The following CHST11 variants were observed in gnomAD, a reference collection of about 807,000 sequenced individuals.
CHST11 encodes C4S-1.
A neutral mutation model predicts 30.4 loss-of-function variants in CHST11; 9 were observed. The observed-to-expected ratio is 0.30, with a 90% confidence interval of 0.18 to 0.52. The LOEUF is 0.52. Ranked by LOEUF, CHST11 falls within the 20% of genes least tolerant of loss-of-function variation. The probability of loss-of-function intolerance (pLI) is 0.97; values close to 1 mark genes in which losing one functional copy is unlikely to be tolerated. For synonymous variants in CHST11, 152 were observed against 187.8 expected, an observed-to-expected ratio of 0.81 and a Z score of 1.56; for missense variants, 348 against 460.6, an observed-to-expected ratio of 0.76 and a Z score of 2.24.
At chr12:104,599,388 G>C (rs1249362866) in intron 1 of CHST11, among the ~76,000 whole-genome samples, 1 of 152,216 alleles carries the variant, frequency 6.6e-6, no homozygotes, top group Non-Finnish European at 1.5e-5. Flanking sequence ...GGGCCTCGAT[G>C]AGCCCGTCTG....
rs115354679 is a variant in CHST11, at chr12:104,735,080, C to T, written c.205-21869C>T. 4.3e-3 allele frequency among the ~76,000 whole-genome samples: 656 copies of T among 152,274 alleles called. 8 individuals are homozygous for T. The highest frequency in any genetic ancestry group is 0.015 in the African/African-American group (608 of 41,530). Reference sequence around the variant, plus strand: ...ATTCCAGGATGAGCAAGGCAACAGTCCTGAACTTCAGGGAGCAGAGGTAGG... The same window carrying T: ...ATTCCAGGATGAGCAAGGCAACAGTTCTGAACTTCAGGGAGCAGAGGTAGG... On this transcript the variant is annotated intron_variant, in intron 2 of 2. Coordinates refer to ENST00000303694, the MANE Select transcript of CHST11 (RefSeq NM_018413.6).
chr12:104,733,656 C>A (rs559478941), intron 2 of CHST11, among the ~76,000 whole-genome samples: 1 of 152,280 alleles, frequency 6.6e-6, no homozygotes, highest in East Asian at 1.9e-4. Flanking sequence ...TACTTTTGCG[C>A]CAACCTAATA....
chr12:104,522,058 C>T (rs901125866), intron 1 of CHST11, among the ~76,000 whole-genome samples: 1 of 152,162 alleles, frequency 6.6e-6, no homozygotes, highest in African/African-American at 2.4e-5. Flanking sequence ...GCATTTCTTT[C>T]CCAGTTATAT....
intron 1 of CHST11, among the ~76,000 whole-genome samples, chr12:104,555,480 C>G (rs2038446391): frequency 6.6e-6 from 1 of 152,204 alleles, no homozygotes; most frequent in Non-Finnish European, 1.5e-5. Flanking sequence ...TGCCTCTTTC[C>G]CCATCATTTC....
intron 2 of CHST11, among the ~76,000 whole-genome samples, chr12:104,745,084 G>T (rs1311089558): frequency 3.3e-5 from 5 of 152,106 alleles, no homozygotes; most frequent in Non-Finnish European, 7.3e-5. Context: ...GTGTTGGCCA[G>T]GCTGTTCTCG....
intron 2 of CHST11, among the ~76,000 whole-genome samples, chr12:104,722,180 G>A (rs932306425): frequency 6.6e-6 from 1 of 151,230 alleles, no homozygotes; most frequent in Admixed American, 6.6e-5. Flanking sequence ...GTGTGTGTGT[G>A]TGTGTGTGTA....
chr12:104,685,266 A>C (rs994207502), intron 2 of CHST11, among the ~76,000 whole-genome samples: 17 of 152,314 alleles, frequency 1.1e-4, no homozygotes, highest in Admixed American at 2.0e-4. Flanking sequence ...ATGTTACTGC[A>C]TGCTTTTTAT....
At chr12:104,488,449 G>A (rs1052698923) in intron 1 of CHST11, among the ~76,000 whole-genome samples, 10 of 148,320 alleles carry the variant, frequency 6.7e-5, no homozygotes, top group African/African-American at 2.0e-4. Context: ...GTATGTATGT[G>A]TGTATATGCA....
At chr12:104,658,472 A>G (rs12300231) in intron 2 of CHST11, among the ~76,000 whole-genome samples, 1 of 151,954 alleles carries the variant, frequency 6.6e-6, no homozygotes, top group Non-Finnish European at 1.5e-5. Context: ...CTGTGCAGAC[A>G]CTATCTCCAA....
intron 2 of CHST11, among the ~76,000 whole-genome samples, chr12:104,724,758 G>C (rs541209704): frequency 2.3e-3 from 343 of 152,116 alleles, no homozygotes; most frequent in Non-Finnish European, 3.8e-3. Context: ...GATCGGCTGT[G>C]GTCAAATAAT....
chr12:104,603,919 C>T (rs1220722807), intron 2 of CHST11, among the ~76,000 whole-genome samples: 1 of 152,220 alleles, frequency 6.6e-6, no homozygotes, highest in Non-Finnish European at 1.5e-5. Context: ...TTTGCTCCTT[C>T]ATGGGTTCAT....
chr12:104,492,818 G>T (rs2037760009), intron 1 of CHST11, among the ~76,000 whole-genome samples: 1 of 152,190 alleles, frequency 6.6e-6, no homozygotes, highest in Non-Finnish European at 1.5e-5. Flanking sequence ...CAGATCACGA[G>T]GTCAGCAGTT....
At chr12:104,557,854 A>AGT (rs1233505122) in intron 1 of CHST11, among the ~76,000 whole-genome samples, 2 of 152,116 alleles carry the variant, frequency 1.3e-5, no homozygotes, top group African/African-American at 4.8e-5. Flanking sequence ...ATTCTCAACC[A>AGT]GTGTGGGCTG....
chr12:104,666,999 C>T (rs934826078), intron 2 of CHST11, among the ~76,000 whole-genome samples: 6 of 152,180 alleles, frequency 3.9e-5, no homozygotes, highest in Non-Finnish European at 5.9e-5. Flanking sequence ...ACCTTTAAAA[C>T]GCTTGTTGAG....
At chr12:104,746,992 C>T (rs938390890) in intron 2 of CHST11, among the ~76,000 whole-genome samples, 2 of 152,308 alleles carry the variant, frequency 1.3e-5, no homozygotes, top group African/African-American at 2.4e-5. Flanking sequence ...GATCATATGC[C>T]GGTCACCACT....
At chr12:104,609,740 A>G (rs775046015) in intron 2 of CHST11, among the ~76,000 whole-genome samples, 5 of 152,196 alleles carry the variant, frequency 3.3e-5, no homozygotes, top group Non-Finnish European at 5.9e-5. Context: ...CACCTAGGAC[A>G]GTGGCAAGGT....
intron 1 of CHST11, among the ~76,000 whole-genome samples, chr12:104,461,444 G>T (rs2037406997): frequency 1.3e-5 from 2 of 152,210 alleles, no homozygotes; most frequent in Admixed American, 1.3e-4. Context: ...AAAATGTCTT[G>T]CATACCTGCC....
intron 1 of CHST11, among the ~76,000 whole-genome samples, chr12:104,559,525 C>G (rs867815895): frequency 3.3e-5 from 5 of 152,148 alleles, no homozygotes; most frequent in Non-Finnish European, 7.4e-5. Context: ...GGTGAATCAC[C>G]TAAGGTCAGG....
intron 1 of CHST11, among the ~76,000 whole-genome samples, chr12:104,556,158 A>G (rs1173442204): frequency 6.6e-6 from 1 of 152,126 alleles, no homozygotes; most frequent in Non-Finnish European, 1.5e-5. Context: ...TTATTTTTTT[A>G]TTCTGTATAA....
Sources: allele counts gnomAD v4.1 joint callset (sites outside exome capture counted in the v4.1 genomes callset), GRCh38; gene constraint gnomAD v4.1.1; transcripts MANE v1.5; gene names NCBI Gene and HGNC (gene_info 2026-07-23, HGNC 2026-07-21).